Variants in ATP8A2 observed in about 807,000 individuals in gnomAD.
ATP8A2 encodes ATPase phospholipid transporting 8A2.
A neutral mutation model predicts 165.6 loss-of-function variants in ATP8A2; 100 were observed. The ratio of observed to expected loss-of-function variants is 0.60; its 90% CI spans 0.51 to 0.71. The LOEUF is 0.71. ATP8A2 is among the 30% of genes least tolerant of loss of function. The pLI is 0.00. For synonymous variants in ATP8A2, 543 were observed against 548.8 expected (o/e 0.99, Z 0.15); for missense variants, 1,227 against 1,479.5 (o/e 0.83, Z 2.80).
At chr13:25,615,652 C>G (rs923976778) in intron 24 of ATP8A2, among the ~76,000 whole-genome samples, 5 of 152,122 alleles carry the variant, frequency 3.3e-5, no homozygotes, top group African/African-American at 1.2e-4. Context: ...CACTGGTAGC[C>G]CTCCCCAAGG....
At chr13:26,000,387 T>C (rs1013273007) in intron 35 of ATP8A2, among the ~76,000 whole-genome samples, 9 of 152,242 alleles carry the variant, frequency 5.9e-5, no homozygotes, top group African/African-American at 1.4e-4. Context: ...TTGGCAGTTA[T>C]GCATGTGTGA....
At chr13:25,659,441 G>A (rs112115046) in intron 24 of ATP8A2, among the ~76,000 whole-genome samples, 2 of 152,178 alleles carry the variant, frequency 1.3e-5, no homozygotes, top group African/African-American at 2.4e-5. Context: ...CTGGGGGAAC[G>A]TTGGAGGATG....
At chr13:25,849,173 A>G (rs889678315) in intron 30 of ATP8A2, among the ~76,000 whole-genome samples, 1 of 152,168 alleles carries the variant, frequency 6.6e-6, no homozygotes, top group Non-Finnish European at 1.5e-5. Flanking sequence ...GTGTTGAGGG[A>G]ATGGTGCCAC....
At position 25,453,870 on chromosome 13, in the gene ATP8A2, T is replaced by G. The variant is rs541059184; in HGVS notation, c.77-15107T>G. ...ACTTAGCTTTAGGGTACAGTGAATT[T>G]GGGTACAGATCTGTGTTTTTTGATA... On this transcript the variant is annotated intron_variant, in intron 1 of 36. Coordinates refer to ENST00000381655, the MANE Select transcript of ATP8A2 (RefSeq NM_016529.6). 6.4e-4 allele frequency among the ~76,000 whole-genome samples: 98 copies of G among 152,282 alleles called. 1 individual carries two copies. The highest frequency in any genetic ancestry group is 1.1e-3 in the Non-Finnish European group (77 of 68,018).
At chr13:25,786,854 T>G (rs112532026) in intron 27 of ATP8A2, among the ~76,000 whole-genome samples, 4,146 of 151,754 alleles carry the variant, frequency 0.027, 179 homozygotes, top group African/African-American at 0.095. Flanking sequence ...CTCCTGGGTT[T>G]AAGCGATTCT....
At chr13:26,002,007 A>T (rs1244220671) in intron 35 of ATP8A2, among the ~76,000 whole-genome samples, 3 of 152,186 alleles carry the variant, frequency 2.0e-5, no homozygotes, top group African/African-American at 7.2e-5. Context: ...GCTTTTTATT[A>T]ATATTAATTA....
chr13:25,374,503 T>C (rs9507507), intron 1 of ATP8A2, among the ~76,000 whole-genome samples: 76,678 of 152,018 alleles, frequency 0.5, 21,885 homozygotes, highest in African/African-American at 0.78. Context: ...TTGAGACTGT[T>C]CTACAGTCTG....
intron 33 of ATP8A2, among the ~76,000 whole-genome samples, chr13:25,929,679 G>A (rs939162088): frequency 6.6e-6 from 1 of 152,038 alleles, no homozygotes; most frequent in Admixed American, 6.6e-5. Flanking sequence ...GCAACACAGT[G>A]AGACCTCGTC....
intron 4 of ATP8A2, among the ~76,000 whole-genome samples, chr13:25,531,356 T>C (rs2038079359): frequency 7.6e-6 from 1 of 130,768 alleles, no homozygotes; most frequent in African/African-American, 3.1e-5. Context: ...ATATATATGT[T>C]ATATATGATA....
At chr13:25,527,632 T>G (rs2037882681) in intron 2 of ATP8A2, among the ~76,000 whole-genome samples, 1 of 152,216 alleles carries the variant, frequency 6.6e-6, no homozygotes, top group Non-Finnish European at 1.5e-5. Context: ...GATGCAAGCA[T>G]TTGGGCTCGT....
chr13:25,755,383 C>T (rs1418032507), intron 25 of ATP8A2, among the ~76,000 whole-genome samples: 2 of 112,828 alleles, frequency 1.8e-5, no homozygotes, highest in Non-Finnish European at 4.3e-5. Flanking sequence ...TGTCCTGTGG[C>T]CCTCCTACTG....
chr13:25,560,620 A>T (rs1240564617), intron 15 of ATP8A2, among the ~76,000 whole-genome samples: 2 of 143,832 alleles, frequency 1.4e-5, no homozygotes, highest in Non-Finnish European at 3.0e-5. Flanking sequence ...GAATCAGTTG[A>T]ACCCAGGGGG....
At chr13:25,614,370 T>G (rs2040767291) in intron 24 of ATP8A2, among the ~76,000 whole-genome samples, 1 of 152,184 alleles carries the variant, frequency 6.6e-6, no homozygotes, top group East Asian at 1.9e-4. Flanking sequence ...GGTTGTGATT[T>G]TTTTTATTTA....
intron 24 of ATP8A2, among the ~76,000 whole-genome samples, chr13:25,695,396 T>C (rs1198742208): frequency 2.6e-5 from 4 of 152,194 alleles, no homozygotes; most frequent in Non-Finnish European, 5.9e-5. Context: ...GTTTTGGCAA[T>C]TTCTCAAAAT....
intron 25 of ATP8A2, among the ~76,000 whole-genome samples, chr13:25,727,792 C>T (rs1397629876): frequency 6.6e-6 from 1 of 152,154 alleles, no homozygotes; most frequent in Non-Finnish European, 1.5e-5. Flanking sequence ...TGGGAATATA[C>T]TCCCCTTTGT....
intron 24 of ATP8A2, among the ~76,000 whole-genome samples, chr13:25,610,950 C>T (rs1460102753): frequency 3.7e-5 from 5 of 136,228 alleles, no homozygotes; most frequent in African/African-American, 5.6e-5. Context: ...TCACCTTAGT[C>T]GCTGTTGGTG....
intron 36 of ATP8A2, among the ~76,000 whole-genome samples, chr13:26,016,049 C>T (rs1214774056): frequency 2.6e-5 from 4 of 152,184 alleles, no homozygotes; most frequent in Non-Finnish European, 5.9e-5. Context: ...GCTCTAACTC[C>T]CGCCAGGCCT....
intron 1 of ATP8A2, among the ~76,000 whole-genome samples, chr13:25,382,880 C>T (rs558463327): frequency 8.6e-5 from 13 of 151,868 alleles, no homozygotes; most frequent in Middle Eastern, 3.4e-3. Flanking sequence ...CTCAGCCTCC[C>T]GAGTAGCTGG....
At chr13:25,545,996 A>C (rs1386914910) in intron 10 of ATP8A2, among the ~76,000 whole-genome samples, 1 of 152,182 alleles carries the variant, frequency 6.6e-6, no homozygotes, top group East Asian at 1.9e-4. Flanking sequence ...ACATTTGGTC[A>C]AGGCCCCAAA....
Sources: gnomAD v4.1 joint callset for allele counts (sites outside exome capture counted in the v4.1 genomes callset) on GRCh38, gnomAD v4.1.1 for gene constraint, MANE v1.5 for transcripts, NCBI Gene and HGNC (gene_info 2026-07-23, HGNC 2026-07-21) for gene names.